PRPF19: variants seen among roughly 807,000 people sequenced by gnomAD.
PRPF19 encodes the protein pre-mRNA processing factor 19.
Under a neutral mutation model 64.2 loss-of-function variants are expected in PRPF19, and 2 were observed. That is an observed-to-expected ratio of 0.03 (90% CI 0.01 to 0.10). PRPF19 has a LOEUF of 0.10. Among genes scored for constraint, PRPF19 ranks in the 10% least tolerant of loss-of-function variants. The probability of loss-of-function intolerance (pLI) is 1.00; values close to 1 mark genes in which losing one functional copy is unlikely to be tolerated. For missense variants in PRPF19, 314 were observed against 650.0 expected, an observed-to-expected ratio of 0.48 and a Z score of 5.62; for synonymous variants, 226 against 251.6, an observed-to-expected ratio of 0.90 and a Z score of 0.96.
intron 15 of PRPF19, among the ~76,000 whole-genome samples, chr11:60,897,273 T>C (rs1281978730): frequency 6.6e-6 from 1 of 152,256 alleles, no homozygotes; most frequent in African/African-American, 2.4e-5. Flanking sequence ...ACATTTAATA[T>C]GCTGTACCGG....
chr11:60,893,178 AC>A, intron 15 of PRPF19, among the ~76,000 whole-genome samples: 1 of 152,170 alleles, frequency 6.6e-6, no homozygotes, highest in Admixed American at 6.5e-5. Flanking sequence ...AAACAAATCT[AC>A]TACACTGCCA....
At chr11:60,892,819 GAGA>G (rs1554980277) in intron 15 of PRPF19, among the ~76,000 whole-genome samples, 2 of 152,176 alleles carry the variant, frequency 1.3e-5, no homozygotes, top group Non-Finnish European at 2.9e-5. Context: ...TCTCACAAGA[GAGA>G]AGACTAGATG....
In PRPF19 at chr11:60,906,400, C is replaced by G. The variant is rs775112535; in HGVS notation, c.-18G>C. On this transcript the variant is annotated 5_prime_UTR_variant, in exon 1 of 16. Transcript: ENST00000227524. ...AGGGACATGGCGCCGTCACCGTGCT[C>G]CGAGGCGCCACACGCCGGGCTCCGG... is the stretch of plus-strand genomic sequence containing the variant. The G allele has an allele frequency of 7.0e-6, 11 of 1,571,880 alleles. No individual in the cohort carries two copies. The South Asian group carries it at 1.3e-4, about 18-fold the overall frequency.
At chr11:60,893,429 A>G (rs1855885302) in intron 15 of PRPF19, among the ~76,000 whole-genome samples, 1 of 151,926 alleles carries the variant, frequency 6.6e-6, no homozygotes. Flanking sequence ...ACTTGAACCC[A>G]GGAGGCGGAG....
rs1855988363 is a variant in PRPF19, at chr11:60,902,022, C to T, written c.525+381G>A. 6.6e-6 allele frequency among the ~76,000 whole-genome samples: 1 copy of T among 151,914 alleles called. No homozygotes were observed. The highest frequency in any genetic ancestry group is 2.1e-4 in the South Asian group (1 of 4,816). On this transcript the variant is annotated intron_variant, in intron 6 of 15. Coordinates refer to ENST00000227524, the MANE Select transcript of PRPF19 (RefSeq NM_014502.5). The surrounding 1 kb of genome is among the most constrained non-coding windows in gnomAD (Gnocchi z 5.0). Reference sequence around the variant, plus strand: ...AGGATTATAATTCCTATCCTATTGCCCTCATAGAAAAAAAACAAGAAAATA... The same window carrying T: ...AGGATTATAATTCCTATCCTATTGCTCTCATAGAAAAAAAACAAGAAAATA...
rs764492272 is a variant in PRPF19 at position 60,902,359 on chromosome 11, G to T, written c.525+44C>A. On this transcript the variant is annotated intron_variant, in intron 6 of 15. Coordinates refer to ENST00000227524, the MANE Select transcript of PRPF19 (RefSeq NM_014502.5). This position sits in a 1 kb window ranked among gnomAD's most constrained non-coding sequence, Gnocchi z 5.0. ...ATGGACTCCAGACAGATGGTGAAAA[G>T]TAAGGGCCCATCAGCACTCCCACCA... 9 of 1,579,278 alleles carry T rather than the reference G, an allele frequency of 5.7e-6. No individual in the cohort carries two copies. The highest frequency in any genetic ancestry group is 7.0e-6 in the Non-Finnish European group (8 of 1,149,878).
intron 8 of PRPF19, 74 bp from the exon 9 acceptor site, chr11:60,901,003 T>C: frequency 1.3e-6 from 2 of 1,508,118 alleles, no homozygotes; most frequent in Non-Finnish European, 9.2e-7. Flanking sequence ...CCTCCCCTAC[T>C]GCCATCTCCA....
intron 1 of PRPF19, among the ~76,000 whole-genome samples, chr11:60,905,970 A>T (rs1339608263): frequency 6.6e-6 from 1 of 152,210 alleles, no homozygotes; most frequent in Non-Finnish European, 1.5e-5. Flanking sequence ...GATTTTGCAG[A>T]TGGGGAAACC....
intron 3 of PRPF19, among the ~76,000 whole-genome samples, 176 bp from the exon 4 acceptor site, chr11:60,903,057 C>G (rs1170845008): frequency 2.6e-5 from 4 of 152,228 alleles, no homozygotes; most frequent in Non-Finnish European, 4.4e-5. Flanking sequence ...AGCTCCTACC[C>G]CAAGCGAACC....
At chr11:60,901,647 T>C in intron 6 of PRPF19, 107 bp from the exon 7 acceptor site, 2 of 1,257,580 alleles carry the variant, frequency 1.6e-6, no homozygotes, top group Non-Finnish European at 2.3e-6. Context: ...GAACTTGCTA[T>C]CTGCCAACTT....
At chr11:60,901,228 T>C in intron 8 of PRPF19, 67 bp downstream of exon 8, 2 of 1,548,838 alleles carry the variant, frequency 1.3e-6, no homozygotes, top group Non-Finnish European at 1.8e-6. Flanking sequence ...CTCCCCATGC[T>C]GGCCCGCCCA....
At chr11:60,893,167 T>A (rs574335658) in intron 15 of PRPF19, among the ~76,000 whole-genome samples, 1 of 152,324 alleles carries the variant, frequency 6.6e-6, no homozygotes, top group Non-Finnish European at 1.5e-5. Flanking sequence ...GATACAGGTA[T>A]AAACAAATCT....
At position 60,890,944 on chromosome 11, in the gene PRPF19, T is replaced by C; in HGVS notation, c.*222A>G. ...CCCTGGGCCTTAAGAGGGTGACAGTTCTTCCTTCCACATCCGTTCCCATGG... is the reference window on the plus strand; with the variant it reads ...CCCTGGGCCTTAAGAGGGTGACAGTCCTTCCTTCCACATCCGTTCCCATGG... On this transcript the variant is annotated 3_prime_UTR_variant, in exon 16 of 16. Coordinates refer to ENST00000227524, the MANE Select transcript of PRPF19 (RefSeq NM_014502.5). 1 of 610,898 alleles carries C rather than the reference T, an allele frequency of 1.6e-6. No individual in the cohort carries two copies. The highest frequency in any genetic ancestry group is 3.0e-6 in the Non-Finnish European group (1 of 334,408). The allele number at this position is 610,898 out of a possible 1,614,324, so 37.8% of individuals were successfully genotyped here. A position where few individuals can be genotyped will look rare whatever the true frequency, so the allele number is the denominator to read the frequency against.
In PRPF19 at chr11:60,902,271, TCTGGTCCCAGGG is replaced by T; in HGVS notation, c.525+120_525+131del. The T allele has an allele frequency of 9.9e-7, 1 of 1,009,480 alleles. No homozygotes were observed. The highest frequency in any genetic ancestry group is 1.5e-6 in the Non-Finnish European group (1 of 676,954). The allele number at this position is 1,009,480 out of a possible 1,614,324, so 62.5% of individuals were successfully genotyped here. A position where few individuals can be genotyped will look rare whatever the true frequency, so the allele number is the denominator to read the frequency against. Reference sequence around the variant, plus strand: ...GGCATCAAAATACAAACCCAGGCAATCTGGTCCCAGGGTCCATGCTCTGCACCACTCAACTCC... The same window carrying T: ...GGCATCAAAATACAAACCCAGGCAATTCCATGCTCTGCACCACTCAACTCC... On this transcript the variant is annotated intron_variant, in intron 6 of 15. Transcript: ENST00000227524. This position sits in a 1 kb window ranked among gnomAD's most constrained non-coding sequence, Gnocchi z 5.0.
intron 15 of PRPF19, among the ~76,000 whole-genome samples, chr11:60,896,767 G>A (rs903990612): frequency 6.6e-6 from 1 of 152,048 alleles, no homozygotes; most frequent in African/African-American, 2.4e-5. Flanking sequence ...TCCTGTGTAG[G>A]CCTAGGGTAA....
At position 60,902,914 on chromosome 11, in the gene PRPF19, T is replaced by G. The variant is rs745674175; in HGVS notation, c.247-33A>C. 7.5e-6 allele frequency: 12 copies of G among 1,606,658 alleles called. No homozygotes were observed. The African/African-American group carries it at 1.6e-4, about 21-fold the overall frequency. ...AAGCAAATATCATTGTAAGGTGAGG[T>G]GGGGGGTGCAGGGAGTACCCAGTGG... On this transcript the variant is annotated intron_variant, in intron 3 of 15. Coordinates refer to ENST00000227524, the MANE Select transcript of PRPF19 (RefSeq NM_014502.5). This position sits in a 1 kb window ranked among gnomAD's most constrained non-coding sequence, Gnocchi z 5.0.
rs768114422 is a variant in PRPF19, at chr11:60,903,440, T to C, written c.246+19A>G. 3.4e-5 allele frequency: 54 copies of C among 1,604,370 alleles called. No homozygotes were observed. Among genetic ancestry groups the C allele is most frequent in the Non-Finnish European group, 4.3e-5 (51 of 1,173,234 alleles). On this transcript the variant is annotated intron_variant, in intron 3 of 15. Coordinates refer to ENST00000227524, the MANE Select transcript of PRPF19 (RefSeq NM_014502.5). ...TCTCTTCAAGTGGGGAAGATGCTGA[T>C]TCTCTTGCAGGAACTCACCCACTCA...
rs1856049590 is a variant in PRPF19 at position 60,906,450 on chromosome 11, C to A, written c.-68G>T. The A allele has an allele frequency of 1.3e-6, 2 of 1,494,464 alleles. No homozygotes were observed. The highest frequency in any genetic ancestry group is 1.2e-5 in the South Asian group (1 of 82,256). 92.6% of individuals were successfully genotyped at this position (1,494,464 alleles called of 1,614,324 possible). ...GGACTAGCTTCTGAGCCTCCGCGAG[C>A]CACTTCCGGTCCCCCGCTGCTGCCG... On this transcript the variant is annotated 5_prime_UTR_variant, in exon 1 of 16. Transcript: ENST00000227524.
intron 15 of PRPF19, among the ~76,000 whole-genome samples, chr11:60,891,490 C>A (rs559429086): frequency 3.3e-5 from 5 of 152,144 alleles, no homozygotes; most frequent in African/African-American, 7.2e-5. Context: ...CAATGCCAGC[C>A]CCCCCTTCTC....
Sources: gnomAD v4.1 joint callset for allele counts (sites outside exome capture counted in the v4.1 genomes callset) on GRCh38, gnomAD v4.1.1 for gene constraint, Gnocchi (gnomAD v3.1) non-coding constraint, MANE v1.5 for transcripts, NCBI Gene and HGNC (gene_info 2026-07-23, HGNC 2026-07-21) for gene names.